Variants in SEMA5A observed in about 807,000 individuals in gnomAD.
SEMA5A encodes semaphorin 5A.
A neutral mutation model predicts 135.5 loss-of-function variants in SEMA5A; 55 were observed. The observed-to-expected ratio is 0.41, with a 90% CI of 0.33 to 0.51. SEMA5A has a LOEUF of 0.51. Ranked by LOEUF, SEMA5A falls within the 20% of genes least tolerant of loss-of-function variation. The pLI, the probability that SEMA5A is intolerant of heterozygous loss-of-function variation, is 0.37. For missense variants in SEMA5A, 1,290 were observed against 1,419.9 expected (o/e 0.91, Z 1.47); for synonymous variants, 580 against 546.5 (o/e 1.06, Z -0.85).
intron 8 of SEMA5A, among the ~76,000 whole-genome samples, chr5:9,207,947 T>G (rs1362326654): frequency 6.6e-6 from 1 of 152,106 alleles, no homozygotes; most frequent in Non-Finnish European, 1.5e-5. Context: ...GATGCGCACA[T>G]TTGTGTCTGT....
chr5:9,050,773 C>A (rs977229543), intron 20 of SEMA5A, among the ~76,000 whole-genome samples: 8 of 152,210 alleles, frequency 5.3e-5, no homozygotes, highest in South Asian at 2.1e-4. Context: ...GGGATCCCCC[C>A]ACTCTGCCCA....
chr5:9,411,050 G>C (rs1437116460), intron 2 of SEMA5A, among the ~76,000 whole-genome samples: 1 of 149,830 alleles, frequency 6.7e-6, no homozygotes, highest in Non-Finnish European at 1.5e-5. Context: ...TATGTATACT[G>C]TGTAACCTAA....
intron 17 of SEMA5A, 137 bp from the exon 18 acceptor site, chr5:9,063,242 ACTTCAGTAGCC>A: frequency 1.2e-6 from 1 of 830,106 alleles, no homozygotes; most frequent in Admixed American, 2.4e-5. Context: ...CTCTTTTTAC[ACTTCAGTAGCC>A]AAAAATCAGT....
intron 13 of SEMA5A, among the ~76,000 whole-genome samples, chr5:9,133,731 G>C (rs1741567373): frequency 1.3e-5 from 2 of 151,652 alleles, no homozygotes; most frequent in Non-Finnish European, 2.9e-5. Context: ...AACAACTTTA[G>C]TGACCATCCT....
intron 15 of SEMA5A, among the ~76,000 whole-genome samples, chr5:9,117,336 T>C (rs1740572606): frequency 6.6e-6 from 1 of 152,214 alleles, no homozygotes; most frequent in East Asian, 1.9e-4. Flanking sequence ...GAAGCCTTTG[T>C]ACAGATGGAA....
intron 11 of SEMA5A, among the ~76,000 whole-genome samples, chr5:9,173,039 G>C (rs181982043): frequency 6.6e-6 from 1 of 152,136 alleles, no homozygotes; most frequent in African/African-American, 2.4e-5. Flanking sequence ...CTTATTAAAC[G>C]TGTGTTGATT....
intron 1 of SEMA5A, among the ~76,000 whole-genome samples, chr5:9,511,008 C>T (rs1736174824): frequency 6.6e-6 from 1 of 152,154 alleles, no homozygotes; most frequent in African/African-American, 2.4e-5. Context: ...TTTTCGTTTG[C>T]ATCTGTGGCC....
chr5:9,524,331 A>G (rs1334913127), intron 1 of SEMA5A, among the ~76,000 whole-genome samples: 1 of 152,208 alleles, frequency 6.6e-6, no homozygotes, highest in Non-Finnish European at 1.5e-5. Context: ...GACTAATACA[A>G]GATCATACTG....
chr5:9,388,626 G>T (rs745546319), intron 2 of SEMA5A, among the ~76,000 whole-genome samples: 2 of 152,170 alleles, frequency 1.3e-5, no homozygotes, highest in Admixed American at 6.5e-5. Flanking sequence ...TAGGCCGCGC[G>T]TGGTGGCTCA....
chr5:9,392,291 A>G (rs2126532558), intron 2 of SEMA5A, among the ~76,000 whole-genome samples: 1 of 152,282 alleles, frequency 6.6e-6, no homozygotes, highest in Admixed American at 6.5e-5. Context: ...ATTTTTTTAC[A>G]TCCTATTATA....
chr5:9,440,080 C>T (rs1043104845), intron 1 of SEMA5A, among the ~76,000 whole-genome samples: 6 of 152,260 alleles, frequency 3.9e-5, no homozygotes, highest in Non-Finnish European at 8.8e-5. Context: ...TGCTCACCAA[C>T]ACACCCATGT....
At chr5:9,043,391 G>C (rs2150024894) in intron 22 of SEMA5A, 2 of 181,866 alleles carry the variant, frequency 1.1e-5, no homozygotes, top group African/African-American at 2.4e-5. Flanking sequence ...TCATATAACT[G>C]AATAGATATA....
At chr5:9,396,125 T>C (rs1287747131) in intron 2 of SEMA5A, among the ~76,000 whole-genome samples, 2 of 151,924 alleles carry the variant, frequency 1.3e-5, no homozygotes, top group African/African-American at 2.4e-5. Flanking sequence ...AAAAAGTTAG[T>C]TTACAACTTG....
chr5:9,053,247 C>T (rs778671507), intron 19 of SEMA5A, among the ~76,000 whole-genome samples: 20 of 152,308 alleles, frequency 1.3e-4, no homozygotes, highest in African/African-American at 3.8e-4. Flanking sequence ...GAGCTTGAAG[C>T]GAGGAGCTCC....
At chr5:9,454,985 T>C (rs1160532061) in intron 1 of SEMA5A, among the ~76,000 whole-genome samples, 1 of 152,196 alleles carries the variant, frequency 6.6e-6, no homozygotes, top group Non-Finnish European at 1.5e-5. Flanking sequence ...GACTAATTTC[T>C]ATCATGATCA....
intron 2 of SEMA5A, among the ~76,000 whole-genome samples, chr5:9,419,677 T>A (rs1430225133): frequency 6.6e-6 from 1 of 152,182 alleles, no homozygotes; most frequent in African/African-American, 2.4e-5. Context: ...TCCTAGGGCA[T>A]GCATGCACAC....
intron 2 of SEMA5A, among the ~76,000 whole-genome samples, chr5:9,413,236 A>G (rs1202859048): frequency 1.3e-5 from 2 of 152,198 alleles, no homozygotes; most frequent in African/African-American, 4.8e-5. Context: ...GGAATGGTTT[A>G]CAGGAGAATG....
In SEMA5A at chr5:9,040,887, A is replaced by G. The variant is rs555963704; in HGVS notation, c.*2010T>C. 129 of 152,350 alleles carry G rather than the reference A, an allele frequency of 8.5e-4. No homozygotes were observed. The highest frequency in any genetic ancestry group is 3.4e-3 in the Middle Eastern group (1 of 294). The allele number at this position is 152,350 out of a possible 1,614,324, so 9.4% of individuals were successfully genotyped here. ...AACTAAAATGTGCTACAAAGTGAAA[A>G]TGTTTTTTTCTTACAAGAAACTGAT... On this transcript the variant is annotated 3_prime_UTR_variant, in exon 23 of 23. Coordinates refer to ENST00000382496, the MANE Select transcript of SEMA5A (RefSeq NM_003966.3).
At chr5:9,235,707 A>C (rs941478813) in intron 6 of SEMA5A, among the ~76,000 whole-genome samples, 1 of 150,220 alleles carries the variant, frequency 6.7e-6, no homozygotes, top group Non-Finnish European at 1.5e-5. Context: ...AGGTTGCTCA[A>C]ATCTGAATAG....
Sources: gnomAD v4.1 joint callset for allele counts (sites outside exome capture counted in the v4.1 genomes callset) on GRCh38, gnomAD v4.1.1 for gene constraint, MANE v1.5 for transcripts, NCBI Gene and HGNC (gene_info 2026-07-23, HGNC 2026-07-21) for gene names.